CAMKMT: variants seen among roughly 807,000 people sequenced by gnomAD.
The protein encoded by CAMKMT is CaM KMT.
CAMKMT carries 53 observed loss-of-function variants against 48.0 expected under a neutral mutation model. That is an observed-to-expected ratio of 1.10 (90% CI 0.89 to 1.39). The LOEUF is 1.39. Among genes scored for constraint, CAMKMT ranks in the 40% most tolerant of loss-of-function variants. The pLI is 0.00. For synonymous variants in CAMKMT, 165 were observed against 152.3 expected (o/e 1.08, Z -0.61); for missense variants, 428 against 402.7 (o/e 1.06, Z -0.54).
chr2:44,498,399 G>T (rs1213411382), intron 3 of CAMKMT, among the ~76,000 whole-genome samples: 1 of 152,166 alleles, frequency 6.6e-6, no homozygotes, highest in East Asian at 1.9e-4. Flanking sequence ...AACAGAGTAG[G>T]TGGACTAATC....
At chr2:44,513,751 G>A (rs562510979) in intron 3 of CAMKMT, among the ~76,000 whole-genome samples, 22 of 152,168 alleles carry the variant, frequency 1.4e-4, no homozygotes, top group African/African-American at 3.6e-4. Flanking sequence ...GCAGTGTGCC[G>A]TAAAATCTGG....
chr2:44,708,748 C>T (rs559022272), intron 6 of CAMKMT, among the ~76,000 whole-genome samples: 1 of 152,258 alleles, frequency 6.6e-6, no homozygotes, highest in South Asian at 2.1e-4. Context: ...TGTGCTCCTC[C>T]TCCTTATGTC....
rs577111860 is a variant in CAMKMT, at chr2:44,475,162, TTAA to T, written c.376+84860_376+84862del. Among the ~76,000 whole-genome samples, 24 of 152,334 alleles carry T rather than the reference TTAA, an allele frequency of 1.6e-4. 1 individual carries two copies. Among genetic ancestry groups the T allele is most frequent in the Middle Eastern group, 6.8e-3 (2 of 294 alleles). ...CCTCTTGAGTATTTAATAAATTTTA[TTAA>T]TATCTGATTTAAATTTTAAAGTAGA... On this transcript the variant is annotated intron_variant, in intron 3 of 10. Transcript: ENST00000378494.
intron 2 of CAMKMT, among the ~76,000 whole-genome samples, chr2:44,378,354 A>G (rs11904128): frequency 0.047 from 7,182 of 152,308 alleles, 530 homozygotes; most frequent in African/African-American, 0.16. Flanking sequence ...GTACATGTAG[A>G]AACCATCTAC....
rs556039583 is a variant in CAMKMT, at chr2:44,581,202, T to A, written c.377-123081T>A. Among the ~76,000 whole-genome samples the A allele has an allele frequency of 3.3e-5, 5 of 152,292 alleles. No homozygotes were observed. In the South Asian group the frequency reaches 1.0e-3, roughly 32 times the overall value. On this transcript the variant is annotated intron_variant, in intron 3 of 10. Coordinates refer to ENST00000378494, the MANE Select transcript of CAMKMT (RefSeq NM_024766.5). Reference sequence around the variant, plus strand: ...TTCTGAATTTGTCTCTTTGTAAGAATGTAATAACAAAAAGCCTATGTGTAT... The same window carrying A: ...TTCTGAATTTGTCTCTTTGTAAGAAAGTAATAACAAAAAGCCTATGTGTAT...
chr2:44,461,951 T>C (rs1667870118), intron 3 of CAMKMT, among the ~76,000 whole-genome samples: 1 of 152,172 alleles, frequency 6.6e-6, no homozygotes, highest in Non-Finnish European at 1.5e-5. Context: ...TCTTGTATAA[T>C]ACCTGCTACC....
At chr2:44,642,621 C>G (rs2104005662) in intron 3 of CAMKMT, among the ~76,000 whole-genome samples, 1 of 152,200 alleles carries the variant, frequency 6.6e-6, no homozygotes, top group East Asian at 1.9e-4. Flanking sequence ...ATCTGACCTT[C>G]TCTCTACACA....
At chr2:44,364,283 G>C (rs1320552694) in intron 1 of CAMKMT, among the ~76,000 whole-genome samples, 1 of 152,056 alleles carries the variant, frequency 6.6e-6, no homozygotes, top group African/African-American at 2.4e-5. Context: ...GAAACTTTTG[G>C]TATATATCTG....
At chr2:44,606,174 C>A (rs962783754) in intron 3 of CAMKMT, among the ~76,000 whole-genome samples, 2 of 152,092 alleles carry the variant, frequency 1.3e-5, no homozygotes, top group African/African-American at 2.4e-5. Context: ...ATCTGGACTT[C>A]TAAAATAGCC....
chr2:44,573,764 A>G (rs138576383), intron 3 of CAMKMT, among the ~76,000 whole-genome samples: 1,782 of 152,216 alleles, frequency 0.012, 42 homozygotes, highest in African/African-American at 0.041. Context: ...AAAATTCCAA[A>G]TTTATTTTTT....
rs954186742 is a variant in CAMKMT at position 44,602,808 on chromosome 2, A to G, written c.377-101475A>G. ...CGCATCCACGATCCAGTGACCTCCC[A>G]CCAGGTCCCTCCCCTGACACCTGGG... On this transcript the variant is annotated intron_variant, in intron 3 of 10. Transcript: ENST00000378494. Among the ~76,000 whole-genome samples, 4 of 152,044 alleles carry G rather than the reference A, an allele frequency of 2.6e-5. No individual in the cohort carries two copies. In the South Asian group the frequency reaches 8.3e-4, roughly 31 times the overall value.
Position 44,618,141 on chromosome 2 carries a change from A to C in CAMKMT, c.377-86142A>C, listed in dbSNP as rs1313010363. ...TGCTTCAAGCAGCAGGTGTGTTTTT[A>C]ATCTTTAATAGGTCACCTTCCCAAG... On this transcript the variant is annotated intron_variant, in intron 3 of 10. Transcript: ENST00000378494. The surrounding 1 kb of genome is among the most constrained non-coding windows in gnomAD (Gnocchi z 4.0). 5.3e-5 allele frequency among the ~76,000 whole-genome samples: 8 copies of C among 152,216 alleles called. No homozygotes were observed. The highest frequency in any genetic ancestry group is 1.9e-4 in the African/African-American group (8 of 41,456).
intron 2 of CAMKMT, among the ~76,000 whole-genome samples, chr2:44,374,808 T>G (rs1364197206): frequency 3.9e-5 from 6 of 152,080 alleles, no homozygotes; most frequent in African/African-American, 1.5e-4. Flanking sequence ...AGCTAAAGTG[T>G]TGGCTTCATT....
chr2:44,645,586 C>T (rs1392116970), intron 3 of CAMKMT, among the ~76,000 whole-genome samples: 1 of 152,048 alleles, frequency 6.6e-6, no homozygotes, highest in Non-Finnish European at 1.5e-5. Context: ...TTTGGGAGGC[C>T]GAGGCAGGCA....
chr2:44,763,791 G>T (rs1234353982), intron 9 of CAMKMT, among the ~76,000 whole-genome samples: 1 of 152,180 alleles, frequency 6.6e-6, no homozygotes. Context: ...CCCAACCAGG[G>T]CATGTGGAGA....
intron 3 of CAMKMT, among the ~76,000 whole-genome samples, chr2:44,422,141 C>G (rs577312266): frequency 6.6e-6 from 1 of 152,100 alleles, no homozygotes; most frequent in Non-Finnish European, 1.5e-5. Flanking sequence ...TTGGTGCCGT[C>G]CTTGTAATAG....
intron 3 of CAMKMT, among the ~76,000 whole-genome samples, chr2:44,455,079 C>T (rs1667488557): frequency 6.6e-6 from 1 of 152,100 alleles, no homozygotes. Context: ...AAGATAAGCA[C>T]TTGAAAGGTA....
rs1674197032 is a variant in CAMKMT at position 44,653,378 on chromosome 2, G to T, written c.377-50905G>T. Reference sequence around the variant, plus strand: ...GGAGAAGTAAGCTGAAGTGCCATTTGCTGTAAAAATCAACCAAAAGAGAAT... The same window carrying T: ...GGAGAAGTAAGCTGAAGTGCCATTTTCTGTAAAAATCAACCAAAAGAGAAT... On this transcript the variant is annotated intron_variant, in intron 3 of 10. Transcript: ENST00000378494. The surrounding 1 kb of genome is among the most constrained non-coding windows in gnomAD (Gnocchi z 5.2). Among the ~76,000 whole-genome samples the T allele has an allele frequency of 6.6e-6, 1 of 152,156 alleles. No homozygotes were observed. The highest frequency in any genetic ancestry group is 2.4e-5 in the African/African-American group (1 of 41,444).
At chr2:44,645,716 G>T (rs1264920338) in intron 3 of CAMKMT, among the ~76,000 whole-genome samples, 1 of 152,100 alleles carries the variant, frequency 6.6e-6, no homozygotes, top group Non-Finnish European at 1.5e-5. Context: ...AGCTACTCAG[G>T]AGGCTGAGGC....
Sources: gnomAD v4.1 joint callset for allele counts (sites outside exome capture counted in the v4.1 genomes callset) on GRCh38, gnomAD v4.1.1 for gene constraint, Gnocchi (gnomAD v3.1) non-coding constraint, MANE v1.5 for transcripts, NCBI Gene and HGNC (gene_info 2026-07-23, HGNC 2026-07-21) for gene names.